The following RBMS1 variants were observed in gnomAD, a reference collection of about 807,000 sequenced individuals.
RBMS1 encodes the protein RNA binding motif single stranded interacting protein 1.
A neutral mutation model predicts 62.3 loss-of-function variants in RBMS1; 17 were observed. The observed-to-expected ratio is 0.27, with a 90% confidence interval of 0.19 to 0.41. RBMS1 has a LOEUF of 0.41. RBMS1 is among the 10% of genes least tolerant of loss of function. The pLI is 1.00. For missense variants in RBMS1, 334 were observed against 504.5 expected (o/e 0.66, Z 3.24); for synonymous variants, 172 against 170.0 (o/e 1.01, Z -0.09).
chr2:160,382,037 G>A (rs1694308041), intron 1 of RBMS1, among the ~76,000 whole-genome samples: 2 of 152,190 alleles, frequency 1.3e-5, no homozygotes, highest in Admixed American at 1.3e-4. Flanking sequence ...GCAGGATAAG[G>A]GACCAGGCCC....
At chr2:160,358,081 T>C (rs1692904958) in intron 2 of RBMS1, among the ~76,000 whole-genome samples, 1 of 152,158 alleles carries the variant, frequency 6.6e-6, no homozygotes, top group Non-Finnish European at 1.5e-5. Flanking sequence ...AAGGATTCTA[T>C]ATTTCGCTTA....
chr2:160,361,173 C>A (rs1311902861), intron 2 of RBMS1, among the ~76,000 whole-genome samples: 1 of 152,180 alleles, frequency 6.6e-6, no homozygotes, highest in Non-Finnish European at 1.5e-5. Context: ...CTTTTAATAT[C>A]AAGTCACTGG....
chr2:160,447,250 G>C lies in RBMS1; in HGVS notation c.75+46039C>G, dbSNP rs114039763. 8.3e-3 allele frequency among the ~76,000 whole-genome samples: 1,265 copies of C among 152,236 alleles called. 22 individuals carry two copies. The highest frequency in any genetic ancestry group is 0.027 in the African/African-American group (1,125 of 41,530). ...CTCCAAGGTCATCTCAGAAAGTGAA[G>C]AAAGATCATGAAGGCTTGTATAGGA... On this transcript the variant is annotated intron_variant, in intron 1 of 13. Coordinates refer to ENST00000348849, the MANE Select transcript of RBMS1 (RefSeq NM_016836.4).
At chr2:160,328,580 C>T (rs1691081884) in intron 2 of RBMS1, among the ~76,000 whole-genome samples, 2 of 151,874 alleles carry the variant, frequency 1.3e-5, no homozygotes, top group African/African-American at 4.8e-5. Flanking sequence ...ATAGTTTATG[C>T]CAATTTAGCT....
At chr2:160,284,714 T>C (rs769866335) in intron 9 of RBMS1, 61 bp downstream of exon 9, 19 of 1,267,110 alleles carry the variant, frequency 1.5e-5, no homozygotes, top group Non-Finnish European at 1.8e-5. Flanking sequence ...CACATAAAAA[T>C]GTAGCAGAGA....
chr2:160,426,497 G>T (rs999840275), intron 1 of RBMS1, among the ~76,000 whole-genome samples: 1 of 152,104 alleles, frequency 6.6e-6, no homozygotes, highest in African/African-American at 2.4e-5. Context: ...AATTTAAAAT[G>T]TTTTTAATGT....
chr2:160,311,232 C>CTATATATCTATATATATATATATA (rs1689866017), intron 4 of RBMS1, among the ~76,000 whole-genome samples: 18 of 79,230 alleles, frequency 2.3e-4, no homozygotes, highest in African/African-American at 7.0e-4. Flanking sequence ...ATCTATCTAT[C>CTATATATCTATATATATATATATA]TATATATATA....
At chr2:160,334,871 CA>C (rs1200347467) in intron 2 of RBMS1, among the ~76,000 whole-genome samples, 9 of 151,496 alleles carry the variant, frequency 5.9e-5, no homozygotes, top group Non-Finnish European at 8.8e-5. Context: ...AAACACAACC[CA>C]AAACGGTAGT....
intron 7 of RBMS1, among the ~76,000 whole-genome samples, chr2:160,286,352 CT>C (rs1688396342): frequency 7.0e-6 from 1 of 142,992 alleles, no homozygotes; most frequent in Non-Finnish European, 1.5e-5. Flanking sequence ...TGGAGTCTCG[CT>C]CTGTTGCCCA....
intron 9 of RBMS1, chr2:160,282,785 T>TC (rs1440758248): frequency 1.3e-5 from 2 of 153,790 alleles, no homozygotes; most frequent in Non-Finnish European, 2.9e-5. Flanking sequence ...AGAACATTTT[T>TC]CCCCACTTAA....
intron 1 of RBMS1, among the ~76,000 whole-genome samples, chr2:160,438,466 C>G (rs554844054): frequency 9.4e-4 from 143 of 151,956 alleles, no homozygotes; most frequent in African/African-American, 2.0e-3. Context: ...TGACTCTTAA[C>G]GAGCATGCTG....
intron 2 of RBMS1, among the ~76,000 whole-genome samples, chr2:160,341,453 A>AT (rs1432505814): frequency 6.6e-6 from 1 of 152,064 alleles, no homozygotes; most frequent in Non-Finnish European, 1.5e-5. Flanking sequence ...ACTGAAGCTG[A>AT]TTACTTGGTA....
chr2:160,313,974 T>C (rs1282998497), intron 3 of RBMS1, among the ~76,000 whole-genome samples: 2 of 152,152 alleles, frequency 1.3e-5, no homozygotes, highest in Non-Finnish European at 2.9e-5. Context: ...TATCCATAGC[T>C]TTACAAACAT....
At chr2:160,351,393 C>G in intron 2 of RBMS1, among the ~76,000 whole-genome samples, 1 of 151,586 alleles carries the variant, frequency 6.6e-6, no homozygotes, top group South Asian at 2.1e-4. Context: ...AAGTCAGAAC[C>G]AATACTTTTA....
intron 12 of RBMS1, 62 bp from the exon 13 acceptor site, chr2:160,275,776 T>G (rs1328827812): frequency 7.5e-6 from 12 of 1,608,124 alleles, no homozygotes; most frequent in South Asian, 1.1e-5. Flanking sequence ...CTCTGCTACT[T>G]AGGCCTGACT....
chr2:160,285,331 G>A (rs1053016027), intron 7 of RBMS1, among the ~76,000 whole-genome samples: 1 of 152,126 alleles, frequency 6.6e-6, no homozygotes. Flanking sequence ...GGGAGTTTCT[G>A]TTAGTCAAAA....
At chr2:160,339,427 T>G (rs1448268351) in intron 2 of RBMS1, among the ~76,000 whole-genome samples, 1 of 152,212 alleles carries the variant, frequency 6.6e-6, no homozygotes, top group Non-Finnish European at 1.5e-5. Flanking sequence ...GTTTTTCCTG[T>G]GTTTTGGATG....
intron 1 of RBMS1, among the ~76,000 whole-genome samples, chr2:160,416,518 A>G (rs957528839): frequency 6.6e-6 from 1 of 152,184 alleles, no homozygotes; most frequent in Non-Finnish European, 1.5e-5. Flanking sequence ...TACAATTTAT[A>G]AAATGCTTTA....
chr2:160,456,191 C>T (rs1316406334), intron 1 of RBMS1, among the ~76,000 whole-genome samples: 18 of 152,172 alleles, frequency 1.2e-4, no homozygotes, highest in Admixed American at 1.1e-3. Context: ...AATACCACCA[C>T]CAATAATAGA....
Sources: gnomAD v4.1 joint callset for allele counts (sites outside exome capture counted in the v4.1 genomes callset) on GRCh38, gnomAD v4.1.1 for gene constraint, MANE v1.5 for transcripts, NCBI Gene and HGNC (gene_info 2026-07-23, HGNC 2026-07-21) for gene names.